TGFBRAP1: variants seen among roughly 807,000 people sequenced by gnomAD.
TGFBRAP1 encodes transforming growth factor-beta receptor-associated protein 1.
Under a neutral mutation model 83.2 loss-of-function variants are expected in TGFBRAP1, and 20 were observed. That is an observed-to-expected ratio of 0.24 (90% confidence interval 0.17 to 0.35). The LOEUF is 0.35. TGFBRAP1 is among the 10% of genes least tolerant of loss of function. The pLI is 1.00. For synonymous variants in TGFBRAP1, 415 were observed against 459.8 expected (o/e 0.90, Z 1.25); for missense variants, 950 against 1,099.4 (o/e 0.86, Z 1.92).
At chr2:105,251,264 G>GCCA in the TGFBRAP1 span, among the ~76,000 whole-genome samples, 2 of 139,368 alleles carry the variant, frequency 1.4e-5, no homozygotes, top group Admixed American at 1.5e-4. Context: ...CTGCCTGGCT[G>GCCA]CCCATCGTCT....
At chr2:105,267,715 G>C in intron 11 of TGFBRAP1, 156 bp from the exon 12 acceptor site, 1 of 985,396 alleles carries the variant, frequency 1.0e-6, no homozygotes, top group Non-Finnish European at 1.2e-6. Context: ...AAATGCTAAA[G>C]GTGTAAATAA....
chr2:105,286,898 G>A (rs898923146), intron 4 of TGFBRAP1, among the ~76,000 whole-genome samples: 2 of 152,152 alleles, frequency 1.3e-5, no homozygotes, highest in Admixed American at 6.5e-5. Flanking sequence ...TAACACAAGC[G>A]CTTCTGGAGA....
chr2:105,325,322 T>C (rs1232442048), intron 1 of TGFBRAP1, among the ~76,000 whole-genome samples: 1 of 152,094 alleles, frequency 6.6e-6, no homozygotes, highest in Admixed American at 6.5e-5. Flanking sequence ...TACTGCACAC[T>C]CGATATAGCA....
At chr2:105,277,133 G>T (rs529406970) in intron 7 of TGFBRAP1, among the ~76,000 whole-genome samples, 1 of 152,270 alleles carries the variant, frequency 6.6e-6, no homozygotes, top group Non-Finnish European at 1.5e-5. Flanking sequence ...AATGGAGCGC[G>T]GTTCAGATCC....
Position 105,284,196 on chromosome 2 carries a change from T to C in TGFBRAP1, c.1121+120A>G. 1.1e-6 allele frequency: 1 copy of C among 910,972 alleles called. No individual in the cohort carries two copies. Among genetic ancestry groups the C allele is most frequent in the African/African-American group, 1.6e-5 (1 of 61,386 alleles). The allele number at this position is 910,972 out of a possible 1,614,324, so 56.4% of individuals were successfully genotyped here. A position where few individuals can be genotyped will look rare whatever the true frequency, so the allele number is the denominator to read the frequency against. On this transcript the variant is annotated intron_variant, in intron 5 of 11. Transcript: ENST00000393359. Reference sequence around the variant, plus strand: ...GCTGTCACGAGCTACCCCCACCGTATCCACCTGAAGCACAATCTAACCATG... The same window carrying C: ...GCTGTCACGAGCTACCCCCACCGTACCCACCTGAAGCACAATCTAACCATG...
intron 1 of TGFBRAP1, among the ~76,000 whole-genome samples, chr2:105,308,585 C>T (rs909525288): frequency 2.0e-5 from 3 of 152,104 alleles, no homozygotes; most frequent in Non-Finnish European, 2.9e-5. Context: ...CCTGCTCAGT[C>T]CCCACACAGA....
chr2:105,292,649 A>AGAGGGAGAAG (rs747711142), intron 4 of TGFBRAP1, among the ~76,000 whole-genome samples: 12 of 151,764 alleles, frequency 7.9e-5, no homozygotes, highest in Non-Finnish European at 1.6e-4. Flanking sequence ...TGGGAGGGGG[A>AGAGGGAGAAG]GAGGGAGAAG....
chr2:105,319,719 A>G (rs1462509987), intron 1 of TGFBRAP1, among the ~76,000 whole-genome samples: 1 of 149,850 alleles, frequency 6.7e-6, no homozygotes, highest in Non-Finnish European at 1.5e-5. Flanking sequence ...AGAAAAAAAA[A>G]GAGGCTTGTA....
chr2:105,295,125 C>A (rs1401001586), intron 4 of TGFBRAP1, among the ~76,000 whole-genome samples: 1 of 152,218 alleles, frequency 6.6e-6, no homozygotes, highest in Non-Finnish European at 1.5e-5. Flanking sequence ...AAGTTAGCAA[C>A]AAAGATGAAA....
chr2:105,314,943 C>CT (rs1378579491), intron 1 of TGFBRAP1, among the ~76,000 whole-genome samples: 2 of 123,786 alleles, frequency 1.6e-5, no homozygotes, highest in African/African-American at 5.9e-5. Flanking sequence ...GAGCGAGACT[C>CT]TGTCTCAAAA....
At chr2:105,253,323 G>A in the TGFBRAP1 span, among the ~76,000 whole-genome samples, 1 of 152,112 alleles carries the variant, frequency 6.6e-6, no homozygotes, top group Admixed American at 6.5e-5. Flanking sequence ...AGTAGAGACA[G>A]GGTTTCACCA....
At chr2:105,307,588 C>T (rs1238456069) in intron 2 of TGFBRAP1, 26 bp downstream of exon 2, 1 of 1,576,498 alleles carries the variant, frequency 6.3e-7, no homozygotes, top group South Asian at 1.2e-5. Flanking sequence ...CCAAAAAGAT[C>T]AGGCGCACAA....
At chr2:105,279,822 GAGGTC>G (rs1277274445) in intron 6 of TGFBRAP1, among the ~76,000 whole-genome samples, 4 of 152,076 alleles carry the variant, frequency 2.6e-5, no homozygotes, top group African/African-American at 9.7e-5. Flanking sequence ...CAGACCACCT[GAGGTC>G]AGGAGTTCTA....
At chr2:105,310,445 A>G (rs1678654261) in intron 1 of TGFBRAP1, among the ~76,000 whole-genome samples, 1 of 152,016 alleles carries the variant, frequency 6.6e-6, no homozygotes, top group South Asian at 2.1e-4. Context: ...ACACACTCAC[A>G]CACCTGCCCC....
chr2:105,313,554 C>A (rs1044106956), intron 1 of TGFBRAP1, among the ~76,000 whole-genome samples: 15 of 152,148 alleles, frequency 9.9e-5, no homozygotes, highest in Admixed American at 2.0e-4. Context: ...AAAGAGGGAA[C>A]ATATCCTTAC....
intron 8 of TGFBRAP1, 96 bp downstream of exon 8, chr2:105,275,464 T>G: frequency 1.3e-6 from 2 of 1,513,832 alleles, no homozygotes; most frequent in Non-Finnish European, 1.8e-6. Context: ...GAGGTTGAAA[T>G]GTAGCTTTCT....
At chr2:105,277,491 T>C (rs1215623260) in intron 7 of TGFBRAP1, 123 bp downstream of exon 7, 1 of 824,774 alleles carries the variant, frequency 1.2e-6, no homozygotes, top group Non-Finnish European at 2.0e-6. Context: ...TTTTATTCTG[T>C]ATAAAAGGGT....
intron 1 of TGFBRAP1, among the ~76,000 whole-genome samples, chr2:105,326,362 A>C (rs566198321): frequency 6.6e-6 from 1 of 152,328 alleles, no homozygotes; most frequent in Admixed American, 6.5e-5. Context: ...AGCAGAATAG[A>C]AATATGGCAT....
chr2:105,271,524 T>A (rs1677153434), intron 10 of TGFBRAP1, among the ~76,000 whole-genome samples: 1 of 152,158 alleles, frequency 6.6e-6, no homozygotes, highest in Non-Finnish European at 1.5e-5. Flanking sequence ...GCTGGTTTCA[T>A]GAAATACCAA....
Sources: gnomAD v4.1 joint callset for allele counts (sites outside exome capture counted in the v4.1 genomes callset) on GRCh38, gnomAD v4.1.1 for gene constraint, MANE v1.5 for transcripts, NCBI Gene and HGNC (gene_info 2026-07-23, HGNC 2026-07-21) for gene names.